ASTN1: variants seen among roughly 807,000 people sequenced by gnomAD.
ASTN1 encodes the protein astrotactin-1.
A neutral mutation model predicts 140.7 loss-of-function variants in ASTN1; 41 were observed. That is an observed-to-expected ratio of 0.29 (90% CI 0.23 to 0.38). ASTN1 has a LOEUF of 0.38. Among genes scored for constraint, ASTN1 ranks in the 10% least tolerant of loss-of-function variants. The pLI is 1.00. For missense variants in ASTN1, 1,479 were observed against 1,678.8 expected (o/e 0.88, Z 2.08); for synonymous variants, 640 against 652.2 (o/e 0.98, Z 0.29).
chr1:177,101,633 G>A (rs569090838), intron 1 of ASTN1, among the ~76,000 whole-genome samples: 1 of 152,248 alleles, frequency 6.6e-6, no homozygotes, highest in South Asian at 2.1e-4. Context: ...ACATAGGCTT[G>A]CTATCTTTGT....
intron 1 of ASTN1, among the ~76,000 whole-genome samples, chr1:177,149,182 G>GTATATATATAGTAAATATATAGTA (rs1558130554): frequency 2.7e-5 from 3 of 109,580 alleles, no homozygotes; most frequent in African/African-American, 1.2e-4. Flanking sequence ...AATATATAGT[G>GTATATATATAGTAAATATATAGTA]TATATATATA....
At chr1:177,040,502 A>G (rs2101992312) in intron 2 of ASTN1, among the ~76,000 whole-genome samples, 1 of 152,298 alleles carries the variant, frequency 6.6e-6, no homozygotes, top group South Asian at 2.1e-4. Context: ...ATATTCCCCC[A>G]ACTCTGTCTC....
intron 21 of ASTN1, among the ~76,000 whole-genome samples, chr1:176,871,002 G>C (rs1668319296): frequency 6.6e-6 from 1 of 152,210 alleles, no homozygotes; most frequent in Admixed American, 6.5e-5. Context: ...GTGAGATGGA[G>C]TCAAAACTGA....
chr1:177,079,561 A>C (rs181023964), intron 1 of ASTN1, among the ~76,000 whole-genome samples: 1 of 152,040 alleles, frequency 6.6e-6, no homozygotes, highest in Non-Finnish European at 1.5e-5. Context: ...TCCTTTTCCC[A>C]TTGTTCTCTG....
chr1:176,931,640 C>G (rs1671208945), intron 16 of ASTN1, among the ~76,000 whole-genome samples: 4 of 152,280 alleles, frequency 2.6e-5, no homozygotes, highest in Admixed American at 1.3e-4. Context: ...AAACACTCAT[C>G]TCTGAATTTT....
At chr1:177,135,845 G>C (rs1364442720) in intron 1 of ASTN1, among the ~76,000 whole-genome samples, 1 of 152,026 alleles carries the variant, frequency 6.6e-6, no homozygotes, top group Non-Finnish European at 1.5e-5. Flanking sequence ...TGGCTTCTTG[G>C]TCCCCACCCC....
chr1:177,065,650 A>G (rs1678317324), intron 1 of ASTN1, among the ~76,000 whole-genome samples: 1 of 152,214 alleles, frequency 6.6e-6, no homozygotes, highest in Non-Finnish European at 1.5e-5. Flanking sequence ...TTGCAGAACC[A>G]CAGGAGGTCT....
intron 1 of ASTN1, among the ~76,000 whole-genome samples, chr1:177,147,745 C>G (rs1197549768): frequency 6.6e-6 from 1 of 152,140 alleles, no homozygotes; most frequent in African/African-American, 2.4e-5. Flanking sequence ...CCCAAGCTGA[C>G]CAGTTATTAC....
intron 20 of ASTN1, among the ~76,000 whole-genome samples, chr1:176,878,772 G>A (rs1347525612): frequency 6.6e-6 from 1 of 152,072 alleles, no homozygotes; most frequent in Non-Finnish European, 1.5e-5. Context: ...TTTCAGACTT[G>A]TACCTAGTAG....
At chr1:176,933,558 T>C (rs1262885865) in intron 16 of ASTN1, among the ~76,000 whole-genome samples, 3 of 152,208 alleles carry the variant, frequency 2.0e-5, no homozygotes, top group Non-Finnish European at 4.4e-5. Context: ...TCCAATTTCT[T>C]ATACTTACTT....
At position 177,054,585 on chromosome 1, in the gene ASTN1, C is replaced by T. The variant is rs544931445; in HGVS notation, c.471+6493G>A. ...AGGATCACATTCACCTGTGGGATAA[C>T]CTGATATGAAAGCTTTGAACAAACA... is the stretch of plus-strand genomic sequence containing the variant. On this transcript the variant is annotated intron_variant, in intron 2 of 22. Transcript: ENST00000361833. 1.7e-4 allele frequency among the ~76,000 whole-genome samples: 26 copies of T among 152,290 alleles called. No individual in the cohort carries two copies. The South Asian group carries it at 3.1e-3, about 18-fold the overall frequency.
At chr1:176,900,992 T>C (rs1368098469) in intron 16 of ASTN1, among the ~76,000 whole-genome samples, 1 of 152,244 alleles carries the variant, frequency 6.6e-6, no homozygotes, top group Non-Finnish European at 1.5e-5. Context: ...CAAGTGTTTG[T>C]TGACTTAATA....
chr1:176,872,239 G>C (rs989085432), intron 21 of ASTN1, among the ~76,000 whole-genome samples: 1 of 150,334 alleles, frequency 6.7e-6, no homozygotes, highest in Non-Finnish European at 1.5e-5. Context: ...GACATAGTAA[G>C]CTTGTATTTA....
At chr1:177,044,653 T>C (rs1677136386) in intron 2 of ASTN1, among the ~76,000 whole-genome samples, 1 of 152,214 alleles carries the variant, frequency 6.6e-6, no homozygotes, top group Non-Finnish European at 1.5e-5. Context: ...GGCTCGATCA[T>C]GCAGGGAATC....
chr1:177,112,710 C>T (rs568332950), intron 1 of ASTN1, among the ~76,000 whole-genome samples: 14 of 152,290 alleles, frequency 9.2e-5, no homozygotes, highest in Non-Finnish European at 1.6e-4. Context: ...AAGCATGCAG[C>T]GCAGACATCC....
chr1:176,964,101 A>T (rs1672773784), intron 9 of ASTN1, among the ~76,000 whole-genome samples: 1 of 152,236 alleles, frequency 6.6e-6, no homozygotes, highest in Non-Finnish European at 1.5e-5. Context: ...GCTTTGCAAA[A>T]GAGTGAGCTC....
chr1:176,943,190 A>T (rs1671812977), intron 14 of ASTN1, among the ~76,000 whole-genome samples: 1 of 152,004 alleles, frequency 6.6e-6, no homozygotes, highest in Non-Finnish European at 1.5e-5. Flanking sequence ...GGACACCTTG[A>T]AGTCTCTTCC....
At chr1:177,069,604 T>TA (rs1445635805) in intron 1 of ASTN1, among the ~76,000 whole-genome samples, 2 of 152,286 alleles carry the variant, frequency 1.3e-5, no homozygotes, top group African/African-American at 4.8e-5. Context: ...CGCTACTCTG[T>TA]ACTGGCATGA....
intron 2 of ASTN1, among the ~76,000 whole-genome samples, chr1:177,051,690 C>A (rs1677550710): frequency 6.6e-6 from 1 of 152,118 alleles, no homozygotes; most frequent in Non-Finnish European, 1.5e-5. Context: ...AGACCCCAAA[C>A]TTATGAGATG....
Sources: allele counts gnomAD v4.1 joint callset (sites outside exome capture counted in the v4.1 genomes callset), GRCh38; gene constraint gnomAD v4.1.1; transcripts MANE v1.5; gene names NCBI Gene and HGNC (gene_info 2026-07-23, HGNC 2026-07-21).